C1QTNF3: variants seen among roughly 807,000 people sequenced by gnomAD.
C1QTNF3 encodes the protein C1q and TNF related 3, also known as complement C1q tumor necrosis factor-related protein 3.
C1QTNF3 carries 26 observed loss-of-function variants against 32.6 expected under a neutral mutation model. The ratio of observed to expected loss-of-function variants is 0.80; its 90% CI spans 0.58 to 1.11. C1QTNF3 has a LOEUF of 1.11. Among genes scored for constraint, C1QTNF3 ranks in the 50% least tolerant of loss-of-function variants. The probability of loss-of-function intolerance (pLI) is 0.00; values close to 1 mark genes in which losing one functional copy is unlikely to be tolerated. For synonymous variants in C1QTNF3, 155 were observed against 146.0 expected, an observed-to-expected ratio of 1.06 and a Z score of -0.44; for missense variants, 362 against 398.2, an observed-to-expected ratio of 0.91 and a Z score of 0.77.
At chr5:34,220,975 G>A in the C1QTNF3 span, among the ~76,000 whole-genome samples, 5 of 152,196 alleles carry the variant, frequency 3.3e-5, no homozygotes, top group African/African-American at 1.2e-4. Context: ...GCCAGACAAT[G>A]GTTACAGCTG....
intron 1 of C1QTNF3, among the ~76,000 whole-genome samples, chr5:34,042,614 T>C (rs548141369): frequency 6.6e-6 from 1 of 152,278 alleles, no homozygotes; most frequent in East Asian, 1.9e-4. Context: ...CATCACATCA[T>C]TGCTGCCTCT....
the C1QTNF3 span, among the ~76,000 whole-genome samples, chr5:34,195,568 G>A: frequency 1.8e-4 from 28 of 152,340 alleles, no homozygotes; most frequent in East Asian, 4.0e-3. Flanking sequence ...TAGGCCGGGC[G>A]CGGTGGCTCA....
At chr5:34,058,088 G>C in the C1QTNF3 span, among the ~76,000 whole-genome samples, 3 of 152,160 alleles carry the variant, frequency 2.0e-5, no homozygotes, top group African/African-American at 4.8e-5. Flanking sequence ...TACCACACTT[G>C]CAGACACTCT....
the C1QTNF3 span, among the ~76,000 whole-genome samples, chr5:34,204,231 C>T: frequency 9.2e-5 from 14 of 152,166 alleles, no homozygotes; most frequent in African/African-American, 2.9e-4. Context: ...TTAATAAAAC[C>T]GCAATTTCAC....
chr5:34,127,367 T>A, the C1QTNF3 span, among the ~76,000 whole-genome samples: 1 of 151,966 alleles, frequency 6.6e-6, no homozygotes, highest in Non-Finnish European at 1.5e-5. Flanking sequence ...GACAATAAAG[T>A]CCCGGCTGAG....
the C1QTNF3 span, among the ~76,000 whole-genome samples, chr5:34,080,174 T>C: frequency 7.9e-5 from 12 of 151,922 alleles, no homozygotes; most frequent in East Asian, 1.7e-3. Context: ...CTTTCATTAA[T>C]AATTTTGAAT....
chr5:34,065,393 T>C, the C1QTNF3 span, among the ~76,000 whole-genome samples: 1 of 152,090 alleles, frequency 6.6e-6, no homozygotes, highest in Non-Finnish European at 1.5e-5. Context: ...AGGCCATGCA[T>C]GGTGGCTCAC....
the C1QTNF3 span, among the ~76,000 whole-genome samples, chr5:34,197,496 T>C: frequency 6.6e-6 from 1 of 152,254 alleles, no homozygotes; most frequent in Admixed American, 6.5e-5. Flanking sequence ...TAGATTTTTC[T>C]ATTAATTATA....
the C1QTNF3 span, among the ~76,000 whole-genome samples, chr5:34,217,143 C>G: frequency 6.6e-6 from 1 of 152,066 alleles, no homozygotes; most frequent in African/African-American, 2.4e-5. Context: ...TGTTTTCATG[C>G]ATAGTCTGCA....
At chr5:34,236,568 T>G in the C1QTNF3 span, among the ~76,000 whole-genome samples, 1 of 59,456 alleles carries the variant, frequency 1.7e-5, no homozygotes, top group Non-Finnish European at 4.2e-5. Flanking sequence ...TTTTTCTTTT[T>G]TCTTTTTTTT....
At chr5:34,147,363 T>G in the C1QTNF3 span, among the ~76,000 whole-genome samples, 7 of 152,190 alleles carry the variant, frequency 4.6e-5, no homozygotes, top group Non-Finnish European at 1.0e-4. Context: ...TGTACCTAAA[T>G]GTTCATCATC....
At chr5:34,175,888 G>C in the C1QTNF3 span, 3 of 808,186 alleles carry the variant, frequency 3.7e-6, no homozygotes, top group Non-Finnish European at 4.5e-6. Flanking sequence ...CTGCGTTTTT[G>C]ATTGAGACCC....
At chr5:34,146,375 T>G in the C1QTNF3 span, among the ~76,000 whole-genome samples, 1 of 152,114 alleles carries the variant, frequency 6.6e-6, no homozygotes, top group Non-Finnish European at 1.5e-5. Context: ...TCTAGGTAAA[T>G]AGAACAAATC....
chr5:34,174,306 C>G, the C1QTNF3 span, among the ~76,000 whole-genome samples: 1 of 152,186 alleles, frequency 6.6e-6, no homozygotes, highest in African/African-American at 2.4e-5. Flanking sequence ...ATCCGCCCAC[C>G]TCGGCCTCCC....
At chr5:34,187,111 T>C in the C1QTNF3 span, among the ~76,000 whole-genome samples, 1 of 152,364 alleles carries the variant, frequency 6.6e-6, no homozygotes, top group East Asian at 1.9e-4. Context: ...TCTGATGGTT[T>C]TATAAATGGG....
chr5:34,161,974 T>A, the C1QTNF3 span, among the ~76,000 whole-genome samples: 1 of 152,192 alleles, frequency 6.6e-6, no homozygotes, highest in Non-Finnish European at 1.5e-5. Context: ...ATGCATCAAT[T>A]TTCATTAATT....
At chr5:34,179,598 G>A in the C1QTNF3 span, among the ~76,000 whole-genome samples, 1 of 151,970 alleles carries the variant, frequency 6.6e-6, no homozygotes, top group East Asian at 1.9e-4. Context: ...ATAAGGGCAC[G>A]TTCCTCTAGT....
chr5:34,052,072 A>G, the C1QTNF3 span, among the ~76,000 whole-genome samples: 1 of 152,264 alleles, frequency 6.6e-6, no homozygotes, highest in South Asian at 2.1e-4. Context: ...CCGGAGGTGA[A>G]TGTTGCAGTG....
At chr5:34,074,122 TCAAAA>T in the C1QTNF3 span, among the ~76,000 whole-genome samples, 4 of 152,216 alleles carry the variant, frequency 2.6e-5, no homozygotes, top group Non-Finnish European at 4.4e-5. Context: ...AATGTAATAC[TCAAAA>T]CAAACTATCA....
Sources: allele counts gnomAD v4.1 joint callset (sites outside exome capture counted in the v4.1 genomes callset), GRCh38; gene constraint gnomAD v4.1.1; transcripts MANE v1.5; gene names NCBI Gene and HGNC (gene_info 2026-07-23, HGNC 2026-07-21).